The following DNAH17 variants were observed in gnomAD, a reference collection of about 807,000 sequenced individuals.
DNAH17 encodes axonemal beta dynein heavy chain 17.
A neutral mutation model predicts 485.6 loss-of-function variants in DNAH17; 376 were observed. The observed-to-expected ratio is 0.77, with a 90% confidence interval of 0.71 to 0.84. The LOEUF (loss-of-function observed/expected upper bound fraction) is 0.84, where lower values mean the gene tolerates loss of function less well. Among genes scored for constraint, DNAH17 ranks in the 40% least tolerant of loss-of-function variants. DNAH17 has a pLI of 0.00. For synonymous variants in DNAH17, 3,031 were observed against 2,405.9 expected (o/e 1.26, Z -7.60); for missense variants, 6,370 against 5,839.3 (o/e 1.09, Z -2.96).
At chr17:78,471,983 G>C (rs2088774002) in intron 54 of DNAH17, among the ~76,000 whole-genome samples, 1 of 152,108 alleles carries the variant, frequency 6.6e-6, no homozygotes, top group African/African-American at 2.4e-5. Flanking sequence ...TCCTATCTTG[G>C]TTGAGAGCCC....
At chr17:78,475,875 A>G in intron 52 of DNAH17, 42 bp from the exon 53 acceptor site, 1 of 1,598,494 alleles carries the variant, frequency 6.3e-7, no homozygotes, top group Non-Finnish European at 8.5e-7. Flanking sequence ...GGTTTTTGCC[A>G]CCATGACCAC....
At chr17:78,468,164 AAAAAATAAT>A (rs1272408689) in intron 55 of DNAH17, among the ~76,000 whole-genome samples, 1 of 151,898 alleles carries the variant, frequency 6.6e-6, no homozygotes, top group Non-Finnish European at 1.5e-5. Flanking sequence ...AATTGTTAAA[AAAAAATAAT>A]AAAAAATAAT....
intron 10 of DNAH17, 115 bp from the exon 11 acceptor site, chr17:78,566,845 C>A: frequency 7.7e-7 from 1 of 1,292,602 alleles, no homozygotes. Flanking sequence ...GCTGAATGTG[C>A]TGTTGCGGGG....
At chr17:78,475,119 T>G (rs1381445618) in intron 54 of DNAH17, among the ~76,000 whole-genome samples, 159 bp downstream of exon 54, 1 of 152,162 alleles carries the variant, frequency 6.6e-6, no homozygotes, top group Non-Finnish European at 1.5e-5. Context: ...GAAGGTTTTC[T>G]GGCCTCTGCT....
rs1010385337 is a variant in DNAH17, at chr17:78,441,283, G to A, written c.11529-84C>T. 3.3e-6 allele frequency: 5 copies of A among 1,500,198 alleles called. No individual in the cohort carries two copies. In the African/African-American group the frequency reaches 7.0e-5, roughly 21 times the overall value. 92.9% of individuals were successfully genotyped at this position (1,500,198 alleles called of 1,614,324 possible). A position where few individuals can be genotyped will look rare whatever the true frequency, so the allele number is the denominator to read the frequency against. ...CTCGGGGTGGGCTGTGGCCCAGGCAGGGGGGCCATTTTTTGGTGGACTTTC... is the reference window on the plus strand; with the variant it reads ...CTCGGGGTGGGCTGTGGCCCAGGCAAGGGGGCCATTTTTTGGTGGACTTTC... On this transcript the variant is annotated intron_variant, in intron 71 of 80. Coordinates refer to ENST00000389840, the MANE Select transcript of DNAH17 (RefSeq NM_173628.4).
intron 21 of DNAH17, 112 bp downstream of exon 21, chr17:78,530,231 C>G: frequency 1.5e-6 from 2 of 1,310,768 alleles, no homozygotes; most frequent in East Asian, 5.1e-5. Context: ...AGCCTCCACC[C>G]CCTGCTACCC....
In DNAH17 at chr17:78,463,081, C is replaced by T. The variant is rs75024149; in HGVS notation, c.8941-4G>A. On this transcript the variant is annotated splice_region_variant and splice_polypyrimidine_tract_variant and intron_variant, in intron 56 of 80. Transcript: ENST00000389840. ...TGATGGAGGCCTTGACTTCCCACTACAAAGATGAGACAGCCAGTCATCCCT... is the reference window on the plus strand; with the variant it reads ...TGATGGAGGCCTTGACTTCCCACTATAAAGATGAGACAGCCAGTCATCCCT... The T allele has an allele frequency of 3.1e-6, 5 of 1,613,096 alleles. No individual in the cohort carries two copies. Among genetic ancestry groups the T allele is most frequent in the Non-Finnish European group, 4.2e-6 (5 of 1,179,350 alleles).
Position 78,454,364 on chromosome 17 carries a change from G to C in DNAH17, c.10406+106C>G, listed in dbSNP as rs974961345. On this transcript the variant is annotated intron_variant, in intron 64 of 80. Transcript: ENST00000389840. ...GGCCAGATTTAAAACCTGTGGGCTA[G>C]TACTTGTATTGAAAGACCCACCCAT... 4.9e-6 allele frequency: 4 copies of C among 816,624 alleles called. No homozygotes were observed. The African/African-American group carries it at 6.9e-5, about 14-fold the overall frequency. 50.6% of individuals were successfully genotyped at this position (816,624 alleles called of 1,614,324 possible).
rs2143325891 is a variant in DNAH17, at chr17:78,532,553, C to T, written c.3043G>A (p.Glu1015Lys). 6.2e-7 allele frequency: 1 copy of T among 1,610,908 alleles called. No individual in the cohort carries two copies. Among genetic ancestry groups the T allele is most frequent in the South Asian group, 1.1e-5 (1 of 90,324 alleles). Residue 1015 changes from glutamate to lysine, a missense_variant, in exon 20 of 81, where the codon GAG becomes AAG. Glu to Lys is a moderately conservative substitution (Grantham distance 56). Coordinates refer to ENST00000389840, the MANE Select transcript of DNAH17 (RefSeq NM_173628.4). ...TCATCTGTCCAGGTGTCCAAGTCCTCCGCAGTGACTGCACACCCATATATC... is the reference window on the plus strand; with the variant it reads ...TCATCTGTCCAGGTGTCCAAGTCCTTCGCAGTGACTGCACACCCATATATC... ...FLIYGCAVTA[E>K]DLDTWTDDTI...
intron 19 of DNAH17, chr17:78,532,977 G>C (rs1400203426): frequency 4.9e-6 from 2 of 404,616 alleles, no homozygotes; most frequent in Non-Finnish European, 9.0e-6. Flanking sequence ...CTACAGCCCA[G>C]AACTCCTGGG....
Position 78,543,919 on chromosome 17 carries a change from T to G in DNAH17, c.2470A>C (p.Asn824His). The stretch of plus-strand genomic sequence containing the variant: ...ACTGCTGCGTAGCGCTTGTTGAGGT[T>G]GGCAATTCTTCCATCCAAGTCTAAC... ...ALLDLDGRIA[N>H]LNKRYAAVRD... Residue 824 changes from asparagine (N) to histidine (H), a missense_variant, in exon 17 of 81, where the codon AAC becomes CAC. Coordinates refer to ENST00000389840, the MANE Select transcript of DNAH17 (RefSeq NM_173628.4). The G allele has an allele frequency of 1.2e-6, 2 of 1,614,072 alleles. No homozygotes were observed. Among genetic ancestry groups the G allele is most frequent in the South Asian group, 2.2e-5 (2 of 91,086 alleles).
intron 74 of DNAH17, among the ~76,000 whole-genome samples, chr17:78,434,721 G>A (rs1200297403): frequency 6.6e-6 from 1 of 152,136 alleles, no homozygotes; most frequent in Non-Finnish European, 1.5e-5. Context: ...CTGGCTCCAG[G>A]GAAGGGAAAA....
chr17:78,507,810 TG>T lies in DNAH17; in HGVS notation c.4237-6del. The T allele has an allele frequency of 6.5e-7, 1 of 1,546,028 alleles. No homozygotes were observed. Among genetic ancestry groups the T allele is most frequent in the Non-Finnish European group, 8.7e-7 (1 of 1,148,380 alleles). On this transcript the variant is annotated splice_polypyrimidine_tract_variant and splice_region_variant and intron_variant, in intron 27 of 80. Transcript: ENST00000389840. ...ACTGTCCAGGGCTTTCAGCACCTTT[TG>T]GGGGAACAGAAAAATAAGGTCACTG...
chr17:78,553,280 T>C (rs2091943733), intron 14 of DNAH17, among the ~76,000 whole-genome samples: 1 of 121,484 alleles, frequency 8.2e-6, no homozygotes, highest in South Asian at 2.8e-4. Flanking sequence ...CCCAGGTTTT[T>C]GTGTTTTTTT....
chr17:78,472,706 C>G, intron 54 of DNAH17: 1 of 455,072 alleles, frequency 2.2e-6, no homozygotes, highest in Non-Finnish European at 4.4e-6. Context: ...CCCGAGGTCA[C>G]GCACGCTGTC....
intron 14 of DNAH17, 59 bp from the exon 15 acceptor site, chr17:78,552,864 T>C: frequency 3.3e-6 from 4 of 1,219,734 alleles, no homozygotes; most frequent in Middle Eastern, 3.8e-4. Context: ...AATTGTTCTC[T>C]GGTAAGGACC....
intron 11 of DNAH17, 32 bp downstream of exon 11, chr17:78,566,582 C>T (rs753140397): frequency 5.4e-5 from 79 of 1,474,556 alleles, no homozygotes; most frequent in Non-Finnish European, 7.0e-5. Flanking sequence ...TGCCAGGCTC[C>T]AGATCTGCCT....
intron 72 of DNAH17, 53 bp from the exon 73 acceptor site, chr17:78,439,270 T>C: frequency 6.4e-7 from 1 of 1,552,500 alleles, no homozygotes; most frequent in East Asian, 2.3e-5. Context: ...TGACACAGGT[T>C]CAGGCTCTGT....
Position 78,570,360 on chromosome 17 carries a change from T to C in DNAH17, c.931A>G (p.Ile311Val), listed in dbSNP as rs1166574646. 3.7e-6 allele frequency: 6 copies of C among 1,610,604 alleles called. No homozygotes were observed. Among genetic ancestry groups the C allele is most frequent in the Admixed American group, 1.7e-5 (1 of 59,672 alleles). Residue 311 changes from isoleucine to valine, a missense_variant, in exon 7 of 81, where the codon ATT (isoleucine) becomes GTT (valine). Physicochemically the swap from Ile to Val is conservative, Grantham distance 29 (BLOSUM62 3). Coordinates refer to ENST00000389840, the MANE Select transcript of DNAH17 (RefSeq NM_173628.4). Reference protein sequence around the residue: ...QADFTMLPTFIAKVLDTICFI... With the variant: ...QADFTMLPTFVAKVLDTICFI... ...CAGATGGTGTCCAGCACCTTGGCAA[T>C]GAAGGTGGGGAGCTGGGGGGAGACA...
Sources: gnomAD v4.1 joint callset for allele counts (sites outside exome capture counted in the v4.1 genomes callset) on GRCh38, gnomAD v4.1.1 for gene constraint, MANE v1.5 for transcripts, NCBI Gene and HGNC (gene_info 2026-07-23, HGNC 2026-07-21) for gene names.